KIF26B: variants seen among roughly 807,000 people sequenced by gnomAD.
The protein encoded by KIF26B is kinesin-like protein KIF26B.
In KIF26B, 63 loss-of-function variants were observed where a neutral mutation model predicts 151.2. That is an observed-to-expected ratio of 0.42 (90% CI 0.34 to 0.51). The LOEUF (loss-of-function observed/expected upper bound fraction) is 0.51. Ranked by LOEUF, KIF26B falls within the 20% of genes least tolerant of loss-of-function variation. KIF26B has a pLI of 0.07. For synonymous variants in KIF26B, 1,357 were observed against 1,262.1 expected (o/e 1.08, Z -1.59); for missense variants, 2,813 against 2,913.6 (o/e 0.97, Z 0.79).
rs144506027 is a variant in KIF26B at position 245,344,306 on chromosome 1, G to T, written c.466-22528G>T. On this transcript the variant is annotated intron_variant, in intron 2 of 14. Transcript: ENST00000407071. The stretch of plus-strand genomic sequence containing the variant: ...ATTCATTCATTAGCCTTCTGTGTAA[G>T]ATTTTGTTTGGAAAAAAAAGAGTCA... Among the ~76,000 whole-genome samples, 622 of 151,062 alleles carry T rather than the reference G, an allele frequency of 4.1e-3. 6 individuals are homozygous for T. The highest frequency in any genetic ancestry group is 6.0e-3 in the Non-Finnish European group (406 of 67,826).
At chr1:245,159,480 C>T (rs1036383359) in intron 2 of KIF26B, among the ~76,000 whole-genome samples, 1 of 152,134 alleles carries the variant, frequency 6.6e-6, no homozygotes, top group East Asian at 1.9e-4. Context: ...ATTAAAACGT[C>T]ATTAAAATGA....
At chr1:245,416,715 C>T (rs111751732) in intron 3 of KIF26B, among the ~76,000 whole-genome samples, 3,108 of 152,170 alleles carry the variant, frequency 0.02, 54 homozygotes, top group Middle Eastern at 0.037. Flanking sequence ...AGAGCAAAGG[C>T]CCCACGGCAG....
chr1:245,251,378 T>C (rs1171632927), intron 2 of KIF26B, among the ~76,000 whole-genome samples: 5 of 152,202 alleles, frequency 3.3e-5, no homozygotes, highest in Non-Finnish European at 7.3e-5. Context: ...CTCTGCACGG[T>C]TATGTTCATT....
intron 5 of KIF26B, among the ~76,000 whole-genome samples, chr1:245,591,923 C>G (rs1181526933): frequency 6.6e-6 from 1 of 152,304 alleles, no homozygotes; most frequent in South Asian, 2.1e-4. Flanking sequence ...CAGTGCCTCA[C>G]GGGGAAGGGC....
At chr1:245,672,014 C>A (rs150733038) in intron 10 of KIF26B, among the ~76,000 whole-genome samples, 56 of 151,962 alleles carry the variant, frequency 3.7e-4, no homozygotes, top group Middle Eastern at 6.8e-3. Context: ...AATCATCTTT[C>A]TTGTCACCAT....
intron 10 of KIF26B, among the ~76,000 whole-genome samples, chr1:245,658,780 A>C (rs556114196): frequency 6.6e-6 from 1 of 152,084 alleles, no homozygotes; most frequent in African/African-American, 2.4e-5. Context: ...CTCCCCTCTC[A>C]AGCCTTCTCT....
At position 245,487,544 on chromosome 1, in the gene KIF26B, C is replaced by G. The variant is rs1660308702; in HGVS notation, c.1167-53223C>G. ...CTACATACTTACCCTTTGACACAAT[C>G]AAGGGCAAAGAGTTAAAGGAAAGGT... On this transcript the variant is annotated intron_variant, in intron 4 of 14. Transcript: ENST00000407071. Among the ~76,000 whole-genome samples the G allele has an allele frequency of 2.6e-5, 4 of 152,258 alleles. 1 individual carries two copies. In the South Asian group the frequency reaches 8.3e-4, roughly 32 times the overall value.
chr1:245,250,256 A>G (rs1170279464), intron 2 of KIF26B, among the ~76,000 whole-genome samples: 1 of 152,196 alleles, frequency 6.6e-6, no homozygotes, highest in Admixed American at 6.5e-5. Flanking sequence ...GGCGTATTAT[A>G]TATAGTAAAG....
chr1:245,283,003 C>G (rs1671090686), intron 2 of KIF26B: 1 of 296,768 alleles, frequency 3.4e-6, no homozygotes, highest in African/African-American at 2.3e-5. Flanking sequence ...GCTTGAGGCT[C>G]CATGTGCTTC....
chr1:245,398,593 T>A (rs185282605), intron 3 of KIF26B, among the ~76,000 whole-genome samples: 156 of 152,192 alleles, frequency 1.0e-3, no homozygotes, highest in African/African-American at 3.7e-3. Flanking sequence ...GGTGGGTTGA[T>A]GAGAGGCGAG....
At chr1:245,248,384 A>C (rs1398724084) in intron 2 of KIF26B, among the ~76,000 whole-genome samples, 1 of 152,020 alleles carries the variant, frequency 6.6e-6, no homozygotes, top group Non-Finnish European at 1.5e-5. Flanking sequence ...GATTTCTCAC[A>C]CTCCTCCAGA....
At chr1:245,312,420 A>G (rs1289086728) in intron 2 of KIF26B, among the ~76,000 whole-genome samples, 1 of 152,236 alleles carries the variant, frequency 6.6e-6, no homozygotes, top group Non-Finnish European at 1.5e-5. Context: ...TTTTTAATCT[A>G]CATAAATACA....
In KIF26B at chr1:245,356,872, G is replaced by T. The variant is rs185270218; in HGVS notation, c.466-9962G>T. Reference sequence around the variant, plus strand: ...TAGGGAGTGTTGGGGCTAGTTTGCAGTATCACTAGATGATCCAGGAAGGCC... The same window carrying T: ...TAGGGAGTGTTGGGGCTAGTTTGCATTATCACTAGATGATCCAGGAAGGCC... On this transcript the variant is annotated intron_variant, in intron 2 of 14. Transcript: ENST00000407071. Among the ~76,000 whole-genome samples the T allele has an allele frequency of 1.5e-3, 222 of 152,328 alleles. 2 individuals are homozygous for T. The highest frequency in any genetic ancestry group is 1.4e-3 in the Non-Finnish European group (92 of 68,030).
chr1:245,345,884 C>A (rs1480878212), intron 2 of KIF26B, among the ~76,000 whole-genome samples: 4 of 151,636 alleles, frequency 2.6e-5, no homozygotes, highest in African/African-American at 9.7e-5. Context: ...AGTGAAACCT[C>A]TCTTCTTGTA....
At position 245,228,624 on chromosome 1, in the gene KIF26B, G is replaced by A. The variant is rs567771734; in HGVS notation, c.465+71941G>A. 9.2e-5 allele frequency among the ~76,000 whole-genome samples: 14 copies of A among 151,618 alleles called. No individual in the cohort carries two copies. In the South Asian group the frequency reaches 2.5e-3, roughly 27 times the overall value. On this transcript the variant is annotated intron_variant, in intron 2 of 14. Transcript: ENST00000407071. ...GTTGTAAGTAGGACTAGAGGAAAGA[G>A]TGATGATAATATTGATAACAATAAA...
intron 2 of KIF26B, among the ~76,000 whole-genome samples, chr1:245,177,412 A>C (rs1668827985): frequency 6.6e-6 from 1 of 152,040 alleles, no homozygotes; most frequent in African/African-American, 2.4e-5. Context: ...TTTTTGTGGG[A>C]ATGGTTTTGG....
At chr1:245,349,223 T>C (rs1031020785) in intron 2 of KIF26B, among the ~76,000 whole-genome samples, 4 of 152,194 alleles carry the variant, frequency 2.6e-5, no homozygotes, top group Non-Finnish European at 5.9e-5. Flanking sequence ...TGCTTGGTCT[T>C]TTTAAAAGTA....
In KIF26B at chr1:245,375,873, T is replaced by C. The variant is rs1389201869; in HGVS notation, c.999+8506T>C. Reference sequence around the variant, plus strand: ...GTTACCCTGCGGATCGGCCGGTCCATGCACAAGTCAGATTCTTTCATCTGG... The same window carrying C: ...GTTACCCTGCGGATCGGCCGGTCCACGCACAAGTCAGATTCTTTCATCTGG... On this transcript the variant is annotated intron_variant, in intron 3 of 14. Coordinates refer to ENST00000407071, the MANE Select transcript of KIF26B (RefSeq NM_018012.4). The surrounding 1 kb of genome is among the most constrained non-coding windows in gnomAD (Gnocchi z 4.2). Among the ~76,000 whole-genome samples the C allele has an allele frequency of 6.6e-6, 1 of 152,186 alleles. No individual in the cohort carries two copies. Among genetic ancestry groups the C allele is most frequent in the Non-Finnish European group, 1.5e-5 (1 of 68,036 alleles).
At chr1:245,453,691 T>C (rs1233435672) in intron 4 of KIF26B, among the ~76,000 whole-genome samples, 1 of 152,224 alleles carries the variant, frequency 6.6e-6, no homozygotes, top group East Asian at 1.9e-4. Context: ...CTTTTTGGCA[T>C]GGATTCTGCC....
Sources: allele counts gnomAD v4.1 joint callset (sites outside exome capture counted in the v4.1 genomes callset), GRCh38; gene constraint gnomAD v4.1.1; non-coding constraint Gnocchi (gnomAD v3.1); transcripts MANE v1.5; gene names NCBI Gene and HGNC (gene_info 2026-07-23, HGNC 2026-07-21).